The following FAM13B variants were observed in gnomAD, a reference collection of about 807,000 sequenced individuals.
FAM13B encodes the protein family with sequence similarity 13 member B.
A neutral mutation model predicts 117.3 loss-of-function variants in FAM13B; 60 were observed. The observed-to-expected ratio is 0.51, with a 90% CI of 0.42 to 0.63. The LOEUF is 0.63. Ranked by LOEUF, FAM13B falls within the 30% of genes least tolerant of loss-of-function variation. The probability of loss-of-function intolerance (pLI) is 0.00; values close to 1 mark genes in which losing one functional copy is unlikely to be tolerated. For synonymous variants in FAM13B, 332 were observed against 356.1 expected (o/e 0.93, Z 0.76); for missense variants, 972 against 1,091.9 (o/e 0.89, Z 1.55).
intron 7 of FAM13B, among the ~76,000 whole-genome samples, chr5:138,005,764 A>C (rs1561520086): frequency 6.6e-6 from 1 of 152,134 alleles, no homozygotes; most frequent in East Asian, 1.9e-4. Flanking sequence ...CCTACAGAGA[A>C]ATGTAATAAT....
At chr5:137,983,213 A>C (rs79450526) in intron 10 of FAM13B, among the ~76,000 whole-genome samples, 5,287 of 93,234 alleles carry the variant, frequency 0.057, 242 homozygotes, top group African/African-American at 0.09. Context: ...AAAAAAAAAA[A>C]AACCGAGTGA....
chr5:138,024,257 C>A (rs1005098755), intron 1 of FAM13B, among the ~76,000 whole-genome samples: 3 of 151,752 alleles, frequency 2.0e-5, no homozygotes, highest in African/African-American at 7.3e-5. Flanking sequence ...TTAGGGCAGG[C>A]CCTAAATCCA....
chr5:137,967,008 A>C (rs1315415618), intron 10 of FAM13B, among the ~76,000 whole-genome samples: 1 of 152,200 alleles, frequency 6.6e-6, no homozygotes, highest in Admixed American at 6.6e-5. Context: ...TCAAATGTAG[A>C]AAATGAAACC....
In FAM13B at chr5:137,985,282, A is replaced by C; in HGVS notation, c.1154T>G (p.Val385Gly). The C allele has an allele frequency of 5.6e-6, 9 of 1,613,824 alleles. No individual in the cohort carries two copies. The highest frequency in any genetic ancestry group is 7.6e-6 in the Non-Finnish European group (9 of 1,179,954). Residue 385 changes from valine to glycine, a missense_variant, in exon 10 of 24, where the codon GTA becomes GGA. By Grantham distance (109) the Val-to-Gly change is moderately radical (BLOSUM62 -3). Transcript: ENST00000689681. ...CTGGGTATTTTCTTCATTCTCAAAT[A>C]CACAATCTTGCTGCATAGCTTCATT... is the stretch of plus-strand genomic sequence containing the variant. ...LDNEAMQQDC[V>G]FENEENTQSV... is the part of the protein sequence containing the mutation.
intron 1 of FAM13B, among the ~76,000 whole-genome samples, chr5:138,023,010 G>A (rs561193483): frequency 6.6e-6 from 1 of 151,926 alleles, no homozygotes; most frequent in East Asian, 1.9e-4. Flanking sequence ...TAGTAGAGAG[G>A]AAGTCTCATG....
At chr5:137,962,515 C>A in intron 10 of FAM13B, 46 bp from the exon 11 acceptor site, 2 of 1,550,712 alleles carry the variant, frequency 1.3e-6, no homozygotes, top group Admixed American at 1.9e-5. Context: ...TCCCAATACT[C>A]AGATAAGAGA....
At chr5:137,969,269 C>T (rs1373859990) in intron 10 of FAM13B, among the ~76,000 whole-genome samples, 2 of 152,192 alleles carry the variant, frequency 1.3e-5, no homozygotes, top group Admixed American at 1.3e-4. Context: ...GATCTGAGAA[C>T]GGGCAGACTG....
chr5:137,957,197 G>C (rs1044573305), intron 13 of FAM13B, among the ~76,000 whole-genome samples: 1 of 152,042 alleles, frequency 6.6e-6, no homozygotes. Context: ...AGGTATCCAG[G>C]GTCTAAAGTA....
intron 1 of FAM13B, among the ~76,000 whole-genome samples, chr5:138,047,379 G>A (rs1420458996): frequency 5.3e-5 from 8 of 151,426 alleles, no homozygotes; most frequent in East Asian, 1.9e-4. Context: ...GGTAGCACAC[G>A]CCTGTAGTCC....
At chr5:138,005,347 G>A (rs1328184105) in intron 7 of FAM13B, among the ~76,000 whole-genome samples, 3 of 152,136 alleles carry the variant, frequency 2.0e-5, no homozygotes, top group Non-Finnish European at 2.9e-5. Flanking sequence ...ACTGGGTCAC[G>A]TCCTTTAAGC....
At chr5:137,997,843 T>C (rs887458710) in intron 7 of FAM13B, among the ~76,000 whole-genome samples, 6 of 152,246 alleles carry the variant, frequency 3.9e-5, no homozygotes, top group African/African-American at 1.4e-4. Flanking sequence ...ACCTTCATAC[T>C]GTATGCCTTT....
At chr5:138,024,767 T>C (rs906624536) in intron 1 of FAM13B, among the ~76,000 whole-genome samples, 3 of 151,150 alleles carry the variant, frequency 2.0e-5, no homozygotes, top group African/African-American at 7.3e-5. Context: ...AAAAGCATAC[T>C]GTTATAAATC....
chr5:138,047,476 A>G (rs1229190942), intron 1 of FAM13B, among the ~76,000 whole-genome samples: 2 of 150,514 alleles, frequency 1.3e-5, no homozygotes, highest in Non-Finnish European at 3.0e-5. Flanking sequence ...ACTGCACTCC[A>G]GCCTGGTGAC....
At chr5:138,026,288 G>C (rs1483775552) in intron 1 of FAM13B, among the ~76,000 whole-genome samples, 1 of 152,022 alleles carries the variant, frequency 6.6e-6, no homozygotes, top group Non-Finnish European at 1.5e-5. Flanking sequence ...TATTGAGCTG[G>C]ACATGCTGTT....
chr5:137,948,647 G>A (rs745787311), intron 18 of FAM13B, among the ~76,000 whole-genome samples: 5 of 151,974 alleles, frequency 3.3e-5, no homozygotes, highest in Non-Finnish European at 7.4e-5. Flanking sequence ...CTCCTGCCTC[G>A]ACCTCTGAAA....
chr5:138,028,494 G>GA (rs147227797), intron 1 of FAM13B, among the ~76,000 whole-genome samples: 79 of 149,582 alleles, frequency 5.3e-4, no homozygotes, highest in African/African-American at 1.3e-3. Flanking sequence ...TATAAAAACT[G>GA]AAAAAAAAAG....
At chr5:138,008,987 AC>A (rs998716173) in intron 6 of FAM13B, among the ~76,000 whole-genome samples, 18 of 152,204 alleles carry the variant, frequency 1.2e-4, no homozygotes, top group African/African-American at 4.3e-4. Flanking sequence ...TACTAAAAAT[AC>A]AAAAATTAGC....
At chr5:137,976,788 T>A (rs988994792) in intron 10 of FAM13B, among the ~76,000 whole-genome samples, 10 of 152,292 alleles carry the variant, frequency 6.6e-5, no homozygotes, top group Non-Finnish European at 1.5e-4. Context: ...CTTAATCCCA[T>A]CATTTTTGTA....
In FAM13B at chr5:137,940,269, G is replaced by C; in HGVS notation, c.2770C>G (p.Leu924Val). ...TCTTGTTTGCTTATAAGAACTTCAA[G>C]AAGCCTAAGCTTGGCTTTAATTTTC... The part of the protein sequence containing the change: ...YKKIKAKLRL[L>V]EVLISKQDSS... The change falls in exon 24 of 24, where the codon CTT becomes GTT. Residue 924 changes from leucine (L) to valine (V), a missense_variant. By Grantham distance (32) the Leu-to-Val change is conservative. Transcript: ENST00000689681. 1 of 1,613,872 alleles carries C rather than the reference G, an allele frequency of 6.2e-7. No homozygotes were observed. The highest frequency in any genetic ancestry group is 2.2e-5 in the East Asian group (1 of 44,874).
Sources: gnomAD v4.1 joint callset for allele counts (sites outside exome capture counted in the v4.1 genomes callset) on GRCh38, gnomAD v4.1.1 for gene constraint, MANE v1.5 for transcripts, NCBI Gene and HGNC (gene_info 2026-07-23, HGNC 2026-07-21) for gene names.